PLCL2: variants seen among roughly 807,000 people sequenced by gnomAD.
The protein encoded by PLCL2 is phospholipase C like 2.
A neutral mutation model predicts 79.6 loss-of-function variants in PLCL2; 4 were observed. The observed-to-expected ratio is 0.05, with a 90% CI of 0.02 to 0.11. The LOEUF is 0.11. Among genes scored for constraint, PLCL2 ranks in the 10% least tolerant of loss-of-function variants. The pLI is 1.00. For missense variants in PLCL2, 895 were observed against 1,291.0 expected, an observed-to-expected ratio of 0.69 and a Z score of 4.70; for synonymous variants, 484 against 457.7, an observed-to-expected ratio of 1.06 and a Z score of -0.73.
intron 3 of PLCL2, among the ~76,000 whole-genome samples, chr3:17,021,106 G>GA (rs2064446501): frequency 6.6e-6 from 1 of 151,948 alleles, no homozygotes; most frequent in Non-Finnish European, 1.5e-5. Flanking sequence ...TATAACTGTA[G>GA]AAAAAAGACC....
chr3:16,938,919 G>A (rs1697609612), intron 1 of PLCL2, among the ~76,000 whole-genome samples: 1 of 152,182 alleles, frequency 6.6e-6, no homozygotes, highest in Non-Finnish European at 1.5e-5. Context: ...AAGTGTTTGA[G>A]GGAGGATATT....
At position 16,974,000 on chromosome 3, in the gene PLCL2, G is replaced by A. The variant is rs151277698; in HGVS notation, c.328-35674G>A. ...AATTGTTCTGAAATCTGAAGACTGA[G>A]TAGGAGTTGAACTAAGCAAAGAGAA... On this transcript the variant is annotated intron_variant, in intron 1 of 5. Transcript: ENST00000615277. Among the ~76,000 whole-genome samples the A allele has an allele frequency of 5.1e-3, 770 of 152,312 alleles. 6 individuals are homozygous for A. The highest frequency in any genetic ancestry group is 0.017 in the African/African-American group (702 of 41,568).
intron 1 of PLCL2, among the ~76,000 whole-genome samples, chr3:16,935,732 G>C (rs1380924484): frequency 1.3e-5 from 2 of 152,130 alleles, no homozygotes; most frequent in African/African-American, 4.8e-5. Context: ...AGATTATAGA[G>C]AGATAAGATT....
At chr3:16,972,677 G>A (rs1352989593) in intron 1 of PLCL2, among the ~76,000 whole-genome samples, 4 of 152,136 alleles carry the variant, frequency 2.6e-5, no homozygotes, top group African/African-American at 7.2e-5. Context: ...GGGCGCTCCT[G>A]TGTTGGGTGC....
At chr3:17,068,369 A>G (rs1315420329) in intron 5 of PLCL2, among the ~76,000 whole-genome samples, 1 of 152,230 alleles carries the variant, frequency 6.6e-6, no homozygotes, top group East Asian at 1.9e-4. Flanking sequence ...TGCTATATGT[A>G]AAATAGAAAA....
rs572608427 is a variant in PLCL2 at position 16,996,654 on chromosome 3, T to C, written c.328-13020T>C. Among the ~76,000 whole-genome samples the C allele has an allele frequency of 2.7e-3, 416 of 151,982 alleles. 1 individual carries two copies. Among genetic ancestry groups the C allele is most frequent in the African/African-American group, 9.4e-3 (389 of 41,434 alleles). On this transcript the variant is annotated intron_variant, in intron 1 of 5. Coordinates refer to ENST00000615277, the MANE Select transcript of PLCL2 (RefSeq NM_001144382.2). ...TGAGGAAAGAGCTGAAAAAGAGATA[T>C]GGTAGAGACCCAATTTATAAGTCAG...
intron 1 of PLCL2, among the ~76,000 whole-genome samples, chr3:16,986,099 A>T (rs2064048078): frequency 6.6e-6 from 1 of 152,184 alleles, no homozygotes; most frequent in South Asian, 2.1e-4. Context: ...AAGGAGCTGT[A>T]GGGGGAAAGC....
chr3:17,021,628 ACAC>A (rs1037200899), intron 3 of PLCL2, among the ~76,000 whole-genome samples: 2 of 142,448 alleles, frequency 1.4e-5, no homozygotes, highest in African/African-American at 2.9e-5. Context: ...ACACACACAC[ACAC>A]CCCAGATACT....
chr3:17,055,842 T>C (rs980319433), intron 4 of PLCL2, among the ~76,000 whole-genome samples: 1 of 152,148 alleles, frequency 6.6e-6, no homozygotes, highest in Admixed American at 6.5e-5. Flanking sequence ...TGTGAGTGAC[T>C]GCTCAGACTC....
intron 5 of PLCL2, among the ~76,000 whole-genome samples, chr3:17,074,040 T>G (rs1666852406): frequency 6.6e-6 from 1 of 152,244 alleles, no homozygotes; most frequent in Admixed American, 6.5e-5. Context: ...TAATGGCGTC[T>G]TAGAATGGTG....
intron 5 of PLCL2, among the ~76,000 whole-genome samples, chr3:17,072,958 T>C (rs1575616518): frequency 6.6e-6 from 1 of 152,304 alleles, no homozygotes; most frequent in Middle Eastern, 3.4e-3. Flanking sequence ...TCTCAGAGTT[T>C]GTAAAATGTC....
intron 1 of PLCL2, among the ~76,000 whole-genome samples, chr3:16,926,295 G>A (rs188067842): frequency 3.9e-5 from 6 of 152,238 alleles, no homozygotes; most frequent in Non-Finnish European, 2.9e-5. Flanking sequence ...GCAAGGGCTG[G>A]CTTTACTACT....
intron 1 of PLCL2, among the ~76,000 whole-genome samples, chr3:16,905,324 CCT>C (rs370471463): frequency 1.0e-3 from 152 of 152,268 alleles, no homozygotes; most frequent in African/African-American, 3.6e-3. Flanking sequence ...CTCAGTACTA[CCT>C]CTCTGTCTTT....
chr3:16,957,194 C>T (rs1227828084), intron 1 of PLCL2, among the ~76,000 whole-genome samples: 1 of 151,864 alleles, frequency 6.6e-6, no homozygotes, highest in African/African-American at 2.4e-5. Context: ...CTACACACTG[C>T]TTTGAATGTG....
At chr3:17,068,184 T>G (rs2065028456) in intron 5 of PLCL2, 119 bp downstream of exon 5, 2 of 621,972 alleles carry the variant, frequency 3.2e-6, no homozygotes. Context: ...GTAGAATGGA[T>G]GCAGAAATCA....
At chr3:16,931,356 G>T (rs961901846) in intron 1 of PLCL2, among the ~76,000 whole-genome samples, 3 of 152,070 alleles carry the variant, frequency 2.0e-5, no homozygotes, top group African/African-American at 7.2e-5. Context: ...TGAAATAGAA[G>T]AGGAACAATT....
intron 1 of PLCL2, among the ~76,000 whole-genome samples, chr3:16,987,660 A>G (rs548308059): frequency 6.6e-6 from 1 of 152,322 alleles, no homozygotes; most frequent in Non-Finnish European, 1.5e-5. Flanking sequence ...TTTTCTAATG[A>G]CTAAAGAGAC....
chr3:17,031,348 C>A (rs2064579437), intron 3 of PLCL2, among the ~76,000 whole-genome samples: 1 of 152,188 alleles, frequency 6.6e-6, no homozygotes. Flanking sequence ...CTGGACTGCA[C>A]CTGGCTGCTC....
intron 1 of PLCL2, among the ~76,000 whole-genome samples, chr3:16,984,233 A>G (rs2064026938): frequency 6.6e-6 from 1 of 152,162 alleles, no homozygotes; most frequent in African/African-American, 2.4e-5. Context: ...TTAAATTCTG[A>G]TATTTTTAGA....
Sources: gnomAD v4.1 joint callset for allele counts (sites outside exome capture counted in the v4.1 genomes callset) on GRCh38, gnomAD v4.1.1 for gene constraint, MANE v1.5 for transcripts, NCBI Gene and HGNC (gene_info 2026-07-23, HGNC 2026-07-21) for gene names.